BRCA1: variants seen among roughly 807,000 people sequenced by gnomAD.
The protein encoded by BRCA1 is BRCA1 DNA repair associated, also known as breast cancer type 1 susceptibility protein.
In BRCA1, 140 loss-of-function variants were observed where a neutral mutation model predicts 173.7. The ratio of observed to expected loss-of-function variants is 0.81; its 90% confidence interval spans 0.70 to 0.93. The LOEUF (loss-of-function observed/expected upper bound fraction) is 0.93, where lower values mean the gene tolerates loss of function less well. BRCA1 is among the 40% of genes least tolerant of loss of function. BRCA1 has a pLI of 0.00. For missense variants in BRCA1, 1,983 were observed against 2,172.5 expected (o/e 0.91, Z 1.73); for synonymous variants, 662 against 756.0 (o/e 0.88, Z 2.04).
intron 19 of BRCA1, among the ~76,000 whole-genome samples, chr17:43,054,339 C>T (rs2051371226): frequency 2.0e-5 from 3 of 152,208 alleles, no homozygotes; most frequent in Admixed American, 6.5e-5. Context: ...AAACTCCAGG[C>T]TTCATTTGTG....
At chr17:43,073,628 A>G (rs1476889405) in intron 14 of BRCA1, among the ~76,000 whole-genome samples, 1 of 150,858 alleles carries the variant, frequency 6.6e-6, no homozygotes, top group Non-Finnish European at 1.5e-5. Flanking sequence ...ATTTATATTC[A>G]TTAACTCATA....
intron 7 of BRCA1, among the ~76,000 whole-genome samples, chr17:43,098,482 C>G (rs1270107148): frequency 1.3e-5 from 2 of 151,884 alleles, no homozygotes; most frequent in African/African-American, 4.8e-5. Flanking sequence ...CCTCAGCCTC[C>G]CAAGTAGCTG....
chr17:43,090,727 G>A (rs1285991771), intron 11 of BRCA1, among the ~76,000 whole-genome samples: 2 of 152,164 alleles, frequency 1.3e-5, no homozygotes, highest in African/African-American at 4.8e-5. Flanking sequence ...CAGTGTATGT[G>A]TAGGCTGTGT....
At chr17:43,048,322 C>A (rs527763960) in intron 21 of BRCA1, among the ~76,000 whole-genome samples, 1 of 152,118 alleles carries the variant, frequency 6.6e-6, no homozygotes, top group African/African-American at 2.4e-5. Flanking sequence ...CCTGCCCCAG[C>A]CCCTCAAGTA....
chr17:43,094,309 T>C lies in BRCA1; in HGVS notation c.1222A>G (p.Lys408Glu), dbSNP rs80357253. ...SHDGESESNA[K>E]VADVLDVLNE... The stretch of plus-strand genomic sequence containing the variant: ...AGAACGTCCAATACATCAGCTACTT[T>C]GGCATTTGATTCAGACTCCCCATCA... Residue 408 changes from lysine (K) to glutamate (E), a missense_variant, in exon 10 of 23, where the codon AAA becomes GAA. Transcript: ENST00000357654. 2.5e-5 allele frequency: 41 copies of C among 1,614,214 alleles called. No homozygotes were observed. Among genetic ancestry groups the C allele is most frequent in the Non-Finnish European group, 3.5e-5 (41 of 1,180,030 alleles).
At chr17:43,091,266 G>T in intron 10 of BRCA1, 169 bp downstream of exon 10, 1 of 945,684 alleles carries the variant, frequency 1.1e-6, no homozygotes, top group Non-Finnish European at 1.6e-6. Context: ...CTAGCTGTGT[G>T]AAGGACTTTT....
intron 11 of BRCA1, among the ~76,000 whole-genome samples, chr17:43,084,424 C>T (rs1185397292): frequency 6.6e-6 from 1 of 152,160 alleles, no homozygotes; most frequent in African/African-American, 2.4e-5. Flanking sequence ...CCTCGGCCTC[C>T]CAAAGTGCTG....
In BRCA1 at chr17:43,091,834, T is replaced by C. The variant is rs774679104; in HGVS notation, c.3697A>G (p.Lys1233Glu). The C allele has an allele frequency of 6.2e-7, 1 of 1,614,224 alleles. No homozygotes were observed. The highest frequency in any genetic ancestry group is 8.5e-7 in the Non-Finnish European group (1 of 1,180,040). ...GACTGAGAAGGTATATTGTTTACTT[T>C]ACCAAATAACAAGTGTTGGAAGCAG... ...LPCFQHLLFG[K>E]VNNIPSQSTR... The change falls in exon 10 of 23, where the codon AAA becomes GAA. Residue 1233 changes from lysine to glutamate, a missense_variant. Coordinates refer to ENST00000357654, the MANE Select transcript of BRCA1 (RefSeq NM_007294.4).
In BRCA1 at chr17:43,100,663, TA is replaced by T. The variant is rs1216244219; in HGVS notation, c.442-784del. On this transcript the variant is annotated intron_variant, in intron 6 of 22. Coordinates refer to ENST00000357654, the MANE Select transcript of BRCA1 (RefSeq NM_007294.4). Reference sequence around the variant, plus strand: ...ATATATAACATATATATAACATATATATATATATATATATAATATATATATA... The same window carrying T: ...ATATATAACATATATATAACATATATTATATATATATATAATATATATATA... 9.6e-3 allele frequency among the ~76,000 whole-genome samples: 183 copies of T among 19,088 alleles called. 8 individuals are homozygous for T. The highest frequency in any genetic ancestry group is 0.04 in the African/African-American group (96 of 2,392). 12.5% of individuals were successfully genotyped at this position (19,088 alleles called of 152,430 possible). A position where few individuals can be genotyped will look rare whatever the true frequency, so the allele number is the denominator to read the frequency against.
rs397508882 is a variant in BRCA1 at position 43,093,976 on chromosome 17, T to G, written c.1555A>C (p.Lys519Gln). The change falls in exon 10 of 23, where the codon AAG becomes CAG. Residue 519 changes from lysine (K) to glutamine (Q), a missense_variant. By Grantham distance (53) the Lys-to-Gln change is moderately conservative. Coordinates refer to ENST00000357654, the MANE Select transcript of BRCA1 (RefSeq NM_007294.4). Reference protein sequence around the residue: ...TSGLHPEDFIKKADLAVQKTP... With the variant: ...TSGLHPEDFIQKADLAVQKTP... ...TTTTGAACTGCCAAATCTGCTTTCT[T>G]GATAAAATCCTCAGGATGAAGGCCT... 6 of 1,613,606 alleles carry G rather than the reference T, an allele frequency of 3.7e-6. No homozygotes were observed. Among genetic ancestry groups the G allele is most frequent in the Non-Finnish European group, 5.1e-6 (6 of 1,179,902 alleles).
chr17:43,123,126 G>C (rs2055658674), intron 2 of BRCA1, among the ~76,000 whole-genome samples: 1 of 151,834 alleles, frequency 6.6e-6, no homozygotes, highest in Non-Finnish European at 1.5e-5. Flanking sequence ...TGCTACTCTG[G>C]AGGCTGAGGT....
chr17:43,100,982 C>G (rs928131842), intron 6 of BRCA1, among the ~76,000 whole-genome samples: 1 of 151,386 alleles, frequency 6.6e-6, no homozygotes. Flanking sequence ...CTGCCTGCCT[C>G]GGCCTCCCAA....
At chr17:43,104,792 A>T (rs2154551134) in intron 5 of BRCA1, 76 bp downstream of exon 5, 1 of 1,302,980 alleles carries the variant, frequency 7.7e-7, no homozygotes. Flanking sequence ...ACCACGTCAT[A>T]GAAAGTAATT....
At chr17:43,123,596 C>T (rs1366885914) in intron 2 of BRCA1, among the ~76,000 whole-genome samples, 1 of 152,154 alleles carries the variant, frequency 6.6e-6, no homozygotes, top group African/African-American at 2.4e-5. Context: ...GATCCTACCA[C>T]CTTGGCCTCC....
At chr17:43,096,487 G>A (rs1356297497) in intron 8 of BRCA1, among the ~76,000 whole-genome samples, 3 of 150,396 alleles carry the variant, frequency 2.0e-5, no homozygotes, top group Admixed American at 6.7e-5. Context: ...CAGGAGAATC[G>A]CTTGAACCAG....
At chr17:43,082,737 C>A in intron 11 of BRCA1, 162 bp from the exon 12 acceptor site, 1 of 715,520 alleles carries the variant, frequency 1.4e-6, no homozygotes, top group South Asian at 1.8e-5. Flanking sequence ...CACATTCATG[C>A]AATTAATGCC....
chr17:43,093,582 A>C lies in BRCA1; in HGVS notation c.1949T>G (p.Ile650Arg), dbSNP rs1555590816. 1 of 1,613,356 alleles carries C rather than the reference A, an allele frequency of 6.2e-7. No homozygotes were observed. Among genetic ancestry groups the C allele is most frequent in the Non-Finnish European group, 8.5e-7 (1 of 1,179,844 alleles). ...QIDSCSSSEE[I>R]KKKKYNQMPV... The stretch of plus-strand genomic sequence containing the variant: ...CATTTGGTTGTACTTTTTTTTCTTT[A>C]TCTCTTCACTGCTAGAACAACTATC... The change falls in exon 10 of 23, where the codon ATA (isoleucine) becomes AGA (arginine). Residue 650 changes from isoleucine to arginine, a missense_variant. Transcript: ENST00000357654.
At chr17:43,105,025 G>A (rs2154552947) in intron 4 of BRCA1, 69 bp from the exon 5 acceptor site, 3 of 1,245,440 alleles carry the variant, frequency 2.4e-6, no homozygotes, top group Middle Eastern at 1.9e-4. Context: ...ACTAAAATAA[G>A]AAAAGACATG....
At chr17:43,070,779 A>T in intron 15 of BRCA1, 149 bp downstream of exon 15, 2 of 918,160 alleles carry the variant, frequency 2.2e-6, no homozygotes, top group Non-Finnish European at 3.3e-6. Context: ...AAATTTTCAG[A>T]AATTAGTAAT....
Sources: gnomAD v4.1 joint callset for allele counts (sites outside exome capture counted in the v4.1 genomes callset) on GRCh38, gnomAD v4.1.1 for gene constraint, MANE v1.5 for transcripts, NCBI Gene and HGNC (gene_info 2026-07-23, HGNC 2026-07-21) for gene names.